The following CAPN2 variants were observed in gnomAD, a reference collection of about 807,000 sequenced individuals.
The protein encoded by CAPN2 is calpain-2 catalytic subunit.
CAPN2 carries 92 observed loss-of-function variants against 102.3 expected under a neutral mutation model. The ratio of observed to expected loss-of-function variants is 0.90; its 90% CI spans 0.76 to 1.07. The LOEUF (loss-of-function observed/expected upper bound fraction) is 1.07, where lower values mean the gene tolerates loss of function less well. CAPN2 is among the 50% of genes least tolerant of loss of function. The probability of loss-of-function intolerance (pLI) is 0.00; values close to 1 mark genes in which losing one functional copy is unlikely to be tolerated. For synonymous variants in CAPN2, 340 were observed against 355.4 expected (o/e 0.96, Z 0.49); for missense variants, 800 against 909.4 (o/e 0.88, Z 1.55).
Position 223,741,435 on chromosome 1 carries a change from A to ATATATATATAT in CAPN2, c.308-2665_308-2664insTATATATATAT, listed in dbSNP as rs1382515776. On this transcript the variant is annotated intron_variant, in intron 2 of 20. Transcript: ENST00000295006. ...GGCTGTAAAATGTATATATATATAT[A>ATATATATATAT]ATGTGTATATATATATATATATATA... 3.1e-3 allele frequency among the ~76,000 whole-genome samples: 125 copies of ATATATATATAT among 40,536 alleles called. 7 individuals are homozygous for ATATATATATAT. Among genetic ancestry groups the ATATATATATAT allele is most frequent in the African/African-American group, 0.018 (115 of 6,400 alleles). 26.6% of individuals were successfully genotyped at this position (40,536 alleles called of 152,430 possible).
At chr1:223,734,053 T>C (rs1660391496) in intron 2 of CAPN2, among the ~76,000 whole-genome samples, 1 of 152,062 alleles carries the variant, frequency 6.6e-6, no homozygotes, top group Non-Finnish European at 1.5e-5. Context: ...TTTCCTTCTG[T>C]TATGTGAGGA....
chr1:223,744,305 T>G, intron 3 of CAPN2, 87 bp downstream of exon 3: 1 of 858,432 alleles, frequency 1.2e-6, no homozygotes, highest in Non-Finnish European at 2.0e-6. Flanking sequence ...CATCAGTCCC[T>G]GGTGTTTGCA....
At chr1:223,732,360 T>C (rs1396244371) in intron 2 of CAPN2, among the ~76,000 whole-genome samples, 1 of 152,236 alleles carries the variant, frequency 6.6e-6, no homozygotes, top group African/African-American at 2.4e-5. Flanking sequence ...TTGCCCATTT[T>C]TATGGTTATT....
chr1:223,709,175 G>A (rs564776833), upstream of CAPN2, among the ~76,000 whole-genome samples: 1 of 152,096 alleles, frequency 6.6e-6, no homozygotes, highest in Admixed American at 6.6e-5. Flanking sequence ...TTCAGGCTTG[G>A]GGGCAAGCAG....
intron 2 of CAPN2, among the ~76,000 whole-genome samples, chr1:223,738,853 G>A (rs1031217142): frequency 6.6e-5 from 10 of 152,236 alleles, no homozygotes; most frequent in South Asian, 2.1e-4. Context: ...AACCTGCCCC[G>A]CAGTCACGGG....
intron 2 of CAPN2, among the ~76,000 whole-genome samples, chr1:223,718,279 G>A (rs916900641): frequency 6.6e-6 from 1 of 152,220 alleles, no homozygotes; most frequent in African/African-American, 2.4e-5. Flanking sequence ...AAAGAAAGAG[G>A]AAACTCTAAT....
At chr1:223,767,154 G>A (rs1322880964) in intron 16 of CAPN2, among the ~76,000 whole-genome samples, 5 of 151,196 alleles carry the variant, frequency 3.3e-5, no homozygotes, top group African/African-American at 4.9e-5. Flanking sequence ...TGTTTTGTCT[G>A]ATCAAGATCG....
chr1:223,750,890 G>A lies in CAPN2; in HGVS notation c.814G>A (p.Val272Ile), dbSNP rs1281184282. The A allele has an allele frequency of 1.3e-6, 2 of 1,551,882 alleles. No homozygotes were observed. Among genetic ancestry groups the A allele is most frequent in the Non-Finnish European group, 1.7e-6 (2 of 1,147,034 alleles). ...TCCTCCCTTTTATCTAATCCTGCAG[G>A]TTGAAAGTAACGGAAGCCTACAGAA... is the stretch of plus-strand genomic sequence containing the variant. ...HAYSVTGAEE[V>I]ESNGSLQKLI... is the part of the protein sequence containing the mutation. Residue 272 changes from valine to isoleucine, a missense_variant and splice_region_variant, in exon 7 of 21, where the codon GTT (valine) becomes ATT (isoleucine). By Grantham distance (29) the Val-to-Ile change is conservative. Coordinates refer to ENST00000295006, the MANE Select transcript of CAPN2 (RefSeq NM_001748.5).
In CAPN2 at chr1:223,747,140, G is replaced by T. The variant is rs769768965; in HGVS notation, c.704G>T (p.Gly235Val). The T allele has an allele frequency of 3.7e-6, 6 of 1,613,732 alleles. No homozygotes were observed. Among genetic ancestry groups the T allele is most frequent in the Non-Finnish European group, 4.2e-6 (5 of 1,179,760 alleles). ...ATCATCCAGAAAGCTCTGCAAAAAG[G>T]CTCTCTCCTTGGCTGCTCCATCGAC... is the stretch of plus-strand genomic sequence containing the variant. ...FKIIQKALQK[G>V]SLLGCSIDIT... Residue 235 changes from glycine (G) to valine (V), a missense_variant, in exon 5 of 21, where the codon GGC becomes GTC. Physicochemically the swap from Gly to Val is moderately radical, Grantham distance 109. Transcript: ENST00000295006.
chr1:223,720,315 C>CTCTTTTTTTT (rs564518898), intron 2 of CAPN2, among the ~76,000 whole-genome samples: 2 of 107,492 alleles, frequency 1.9e-5, no homozygotes, highest in East Asian at 2.7e-4. Context: ...CTCTTTCTCT[C>CTCTTTTTTTT]TTTTTTTTTT....
Position 223,752,932 on chromosome 1 carries a change from G to T in CAPN2, c.1111G>T (p.Ala371Ser), listed in dbSNP as rs775347301. The change falls in exon 9 of 21, where the codon GCG becomes TCG. Residue 371 changes from alanine to serine, a missense_variant. Ala to Ser is a moderately conservative substitution (Grantham distance 99). Coordinates refer to ENST00000295006, the MANE Select transcript of CAPN2 (RefSeq NM_001748.5). ...MDGNWRRGST[A>S]GGCRNYPNTF... ...TGGGAACTGGAGGCGGGGCTCCACC[G>T]CGGGAGGTTGCAGGAACTACCCGAG... is the stretch of plus-strand genomic sequence containing the variant. The T allele has an allele frequency of 1.9e-6, 3 of 1,613,964 alleles. No individual in the cohort carries two copies. Among genetic ancestry groups the T allele is most frequent in the East Asian group, 2.2e-5 (1 of 44,886 alleles).
chr1:223,745,181 C>T (rs1271786347), intron 3 of CAPN2, 125 bp from the exon 4 acceptor site: 9 of 1,280,686 alleles, frequency 7.0e-6, no homozygotes, highest in Non-Finnish European at 8.7e-6. Context: ...GGAGCACCTC[C>T]TCCCAGGATG....
rs1221223777 is a variant in CAPN2 at position 223,766,294 on chromosome 1, C to A, written c.1691-73C>A. 6 of 1,103,742 alleles carry A rather than the reference C, an allele frequency of 5.4e-6. No homozygotes were observed. The East Asian group carries it at 9.4e-5, about 17-fold the overall frequency. The allele number at this position is 1,103,742 out of a possible 1,614,324, so 68.4% of individuals were successfully genotyped here. On this transcript the variant is annotated intron_variant, in intron 15 of 20. Transcript: ENST00000295006. ...TGAAGGGCACAGATAAAGAATATCT[C>A]CATGATTGTGGAAAGTTCAGTTGGA...
intron 6 of CAPN2, 95 bp downstream of exon 6, chr1:223,749,217 A>C: frequency 9.2e-7 from 1 of 1,088,542 alleles, no homozygotes; most frequent in Non-Finnish European, 1.4e-6. Flanking sequence ...GCGCGGCCCC[A>C]CGGTGGTCCA....
intron 1 of CAPN2, among the ~76,000 whole-genome samples, chr1:223,717,425 C>G (rs374400450): frequency 2.0e-5 from 3 of 152,128 alleles, no homozygotes; most frequent in African/African-American, 7.2e-5. Flanking sequence ...TAGGGTGGCT[C>G]TAGAGTGTGG....
intron 8 of CAPN2, 82 bp downstream of exon 8, chr1:223,752,153 G>A (rs1004813683): frequency 2.2e-5 from 22 of 983,020 alleles, no homozygotes; most frequent in African/African-American, 4.9e-5. Flanking sequence ...AAAGAGTGTC[G>A]GCCAAAGTGA....
intron 12 of CAPN2, among the ~76,000 whole-genome samples, chr1:223,760,331 C>T (rs1661154669): frequency 6.6e-6 from 1 of 152,160 alleles, no homozygotes; most frequent in Non-Finnish European, 1.5e-5. Context: ...GGGTCAGCCA[C>T]CTGGCCTGCT....
rs962738602 is a variant in CAPN2, at chr1:223,775,056, A to G, written c.*199A>G. On this transcript the variant is annotated 3_prime_UTR_variant, in exon 21 of 21. Transcript: ENST00000295006. ...CATCAAAGTAAAAGATTTGCATATC[A>G]TTATACTAAATGCAAATGAGTCGCT... 16 of 591,514 alleles carry G rather than the reference A, an allele frequency of 2.7e-5. 1 individual carries two copies. The highest frequency in any genetic ancestry group is 2.5e-4 in the Admixed American group (8 of 31,770). 36.6% of individuals were successfully genotyped at this position (591,514 alleles called of 1,614,324 possible). A position where few individuals can be genotyped will look rare whatever the true frequency, so the allele number is the denominator to read the frequency against.
rs557874891 is a variant in CAPN2, at chr1:223,756,728, T to C, written c.1306-641T>C. ...ATACCATCAGTTGTAAAAATGCACA[T>C]AGGCCTAAACCCCTCCGTCTCTGAA... On this transcript the variant is annotated intron_variant, in intron 10 of 20. Transcript: ENST00000295006. This position sits in a 1 kb window ranked among gnomAD's most constrained non-coding sequence, Gnocchi z 4.1. Among the ~76,000 whole-genome samples, 40 of 152,248 alleles carry C rather than the reference T, an allele frequency of 2.6e-4. No individual in the cohort carries two copies. Among genetic ancestry groups the C allele is most frequent in the South Asian group, 4.1e-4 (2 of 4,822 alleles).
Sources: gnomAD v4.1 joint callset for allele counts (sites outside exome capture counted in the v4.1 genomes callset) on GRCh38, gnomAD v4.1.1 for gene constraint, Gnocchi (gnomAD v3.1) non-coding constraint, MANE v1.5 for transcripts, NCBI Gene and HGNC (gene_info 2026-07-23, HGNC 2026-07-21) for gene names.